Variants in SNAPC3 observed in about 807,000 individuals in gnomAD.
SNAPC3 encodes snRNA-activating protein complex subunit 3.
In SNAPC3, 56 loss-of-function variants were observed where a neutral mutation model predicts 47.7. The observed-to-expected ratio is 1.18, with a 90% CI of 0.95 to 1.47. SNAPC3 has a LOEUF of 1.47. Ranked by LOEUF, SNAPC3 falls within the 40% of genes most tolerant of loss-of-function variation. The probability of loss-of-function intolerance (pLI) is 0.00; values close to 1 mark genes in which losing one functional copy is unlikely to be tolerated. For missense variants in SNAPC3, 665 were observed against 511.3 expected (o/e 1.30, Z -2.90); for synonymous variants, 235 against 189.9 (o/e 1.24, Z -1.95).
intron 5 of SNAPC3, among the ~76,000 whole-genome samples, chr9:15,450,854 G>C (rs1438387846): frequency 6.6e-6 from 1 of 152,214 alleles, no homozygotes; most frequent in Non-Finnish European, 1.5e-5. Context: ...TACAACTACA[G>C]TACCTGGGGC....
intron 3 of SNAPC3, among the ~76,000 whole-genome samples, chr9:15,441,018 TC>T (rs1334781540): frequency 6.6e-6 from 1 of 151,750 alleles, no homozygotes; most frequent in Non-Finnish European, 1.5e-5. Flanking sequence ...TTTCTTAACC[TC>T]CATGTTTTCT....
intron 6 of SNAPC3, among the ~76,000 whole-genome samples, chr9:15,452,303 C>A (rs2034448372): frequency 6.8e-6 from 1 of 146,942 alleles, no homozygotes; most frequent in Non-Finnish European, 1.5e-5. Context: ...CCCAACAGTT[C>A]AAACCTATTG....
downstream of SNAPC3, chr9:15,462,795 A>G (rs2035316669): frequency 6.6e-6 from 1 of 152,168 alleles, no homozygotes; most frequent in Non-Finnish European, 1.5e-5. Context: ...ACATAAACAC[A>G]TTTCTGCCTA....
intron 3 of SNAPC3, among the ~76,000 whole-genome samples, chr9:15,444,039 T>A (rs2033731025): frequency 6.6e-6 from 1 of 152,202 alleles, no homozygotes; most frequent in Non-Finnish European, 1.5e-5. Flanking sequence ...TCCCACTTAT[T>A]TTTAAAACTC....
chr9:15,423,021 G>C lies in SNAPC3; in HGVS notation c.142G>C (p.Gly48Arg). The change falls in exon 1 of 9, where the codon GGG becomes CGG. Residue 48 changes from glycine (G) to arginine (R), a missense_variant. Physicochemically the swap from Gly to Arg is moderately radical, Grantham distance 125. Transcript: ENST00000380821. ...NTRAFHVGAF[G>R]ELWRGRLRGA... The stretch of plus-strand genomic sequence containing the variant: ...GCGCGCTTTCCATGTGGGCGCCTTT[G>C]GGGAGCTGTGGCGGGGCCGTCTGCG... 6.5e-7 allele frequency: 1 copy of C among 1,537,410 alleles called. No individual in the cohort carries two copies. The highest frequency in any genetic ancestry group is 2.5e-5 in the East Asian group (1 of 39,756).
chr9:15,429,544 A>G (rs1399633690), intron 2 of SNAPC3, among the ~76,000 whole-genome samples: 1 of 152,200 alleles, frequency 6.6e-6, no homozygotes, highest in African/African-American at 2.4e-5. Context: ...CAGAGGAAAA[A>G]AAACCTGACA....
intron 5 of SNAPC3, among the ~76,000 whole-genome samples, chr9:15,449,561 ATATTTTTTTTT>A (rs2034230580): frequency 2.3e-5 from 1 of 43,286 alleles, no homozygotes; most frequent in Admixed American, 3.9e-4. Context: ...ATATATATAT[ATATTTTTTTTT>A]TTTTTTTTTT....
intron 6 of SNAPC3, among the ~76,000 whole-genome samples, 192 bp from the exon 7 acceptor site, chr9:15,452,849 C>T (rs2034493684): frequency 6.6e-6 from 1 of 152,198 alleles, no homozygotes; most frequent in South Asian, 2.1e-4. Flanking sequence ...CTGCAGAAAA[C>T]TGATCCCTTA....
rs1470680615 is a variant in SNAPC3, at chr9:15,452,484, G to C, written c.816-557G>C. Reference sequence around the variant, plus strand: ...CAGGCAGGCACCACCACGCCCGGCTGATTTTGTATTTTTAGTAGAGATGGG... The same window carrying C: ...CAGGCAGGCACCACCACGCCCGGCTCATTTTGTATTTTTAGTAGAGATGGG... On this transcript the variant is annotated intron_variant, in intron 6 of 8. Transcript: ENST00000380821. Among the ~76,000 whole-genome samples, 9 of 151,946 alleles carry C rather than the reference G, an allele frequency of 5.9e-5. 1 individual carries two copies. The East Asian group carries it at 1.7e-3, about 29-fold the overall frequency.
chr9:15,422,914 G>T lies in SNAPC3; in HGVS notation c.35G>T (p.Ser12Ile), dbSNP rs761150557. 1 of 1,536,712 alleles carries T rather than the reference G, an allele frequency of 6.5e-7. No individual in the cohort carries two copies. Among genetic ancestry groups the T allele is most frequent in the Non-Finnish European group, 8.8e-7 (1 of 1,142,482 alleles). The part of the protein sequence containing the change: ...AEGSRGGPTC[S>I]GVGGRQDPVS... ...GGAAGCCGAGGTGGCCCTACGTGTA[G>T]CGGGGTGGGTGGCAGGCAGGACCCA... Residue 12 changes from serine (S) to isoleucine (I), a missense_variant, in exon 1 of 9, where the codon AGC becomes ATC. Transcript: ENST00000380821.
downstream of SNAPC3, chr9:15,464,840 G>T (rs992577812): frequency 4.8e-6 from 1 of 208,420 alleles, no homozygotes; most frequent in Admixed American, 5.9e-5. Context: ...TGAATGCCCA[G>T]CCACAAAACT....
At chr9:15,445,947 C>T (rs1047807251) in intron 4 of SNAPC3, among the ~76,000 whole-genome samples, 4 of 152,100 alleles carry the variant, frequency 2.6e-5, no homozygotes, top group African/African-American at 9.7e-5. Flanking sequence ...CCGCCACCCC[C>T]TTCTCCCCAG....
chr9:15,425,879 G>A (rs1300733889), intron 2 of SNAPC3, among the ~76,000 whole-genome samples: 1 of 152,066 alleles, frequency 6.6e-6, no homozygotes, highest in Admixed American at 6.5e-5. Context: ...TTTTGTTTTT[G>A]AGATGGAATT....
At chr9:15,450,405 T>A (rs1382333940) in intron 5 of SNAPC3, among the ~76,000 whole-genome samples, 1 of 152,230 alleles carries the variant, frequency 6.6e-6, no homozygotes, top group East Asian at 1.9e-4. Flanking sequence ...ATTATTTTAG[T>A]ACCTGAAACA....
chr9:15,439,168 C>T (rs974212233), intron 3 of SNAPC3, among the ~76,000 whole-genome samples: 1 of 152,114 alleles, frequency 6.6e-6, no homozygotes, highest in African/African-American at 2.4e-5. Flanking sequence ...CGCCACTATG[C>T]TGAGTTAAGT....
intron 5 of SNAPC3, 141 bp downstream of exon 5, chr9:15,447,385 C>G (rs1295569542): frequency 8.3e-6 from 6 of 725,978 alleles, no homozygotes; most frequent in Non-Finnish European, 1.4e-5. Context: ...TCATTCCTTC[C>G]CTTTATCACC....
At chr9:15,456,283 T>G (rs1046006178) in intron 7 of SNAPC3, among the ~76,000 whole-genome samples, 2 of 152,200 alleles carry the variant, frequency 1.3e-5, no homozygotes. Context: ...GTGCTGGGAT[T>G]ACAGGCAAGA....
In SNAPC3 at chr9:15,438,823, G is replaced by A. The variant is rs180778628; in HGVS notation, c.477+5187G>A. Among the ~76,000 whole-genome samples the A allele has an allele frequency of 3.9e-5, 6 of 152,186 alleles. No individual in the cohort carries two copies. In the East Asian group the frequency reaches 9.6e-4, roughly 24 times the overall value. On this transcript the variant is annotated intron_variant, in intron 3 of 8. Coordinates refer to ENST00000380821, the MANE Select transcript of SNAPC3 (RefSeq NM_001039697.2). ...ACTTGAGAAGAACCTGTATTCAGCT[G>A]TTGTTTGGAGAGTTCTTTGTATATC...
chr9:15,458,521 G>C (rs2034971087), intron 8 of SNAPC3, among the ~76,000 whole-genome samples: 1 of 152,128 alleles, frequency 6.6e-6, no homozygotes, highest in Non-Finnish European at 1.5e-5. Context: ...TGTCCACATA[G>C]TTTACATAAT....
Sources: gnomAD v4.1 joint callset for allele counts (sites outside exome capture counted in the v4.1 genomes callset) on GRCh38, gnomAD v4.1.1 for gene constraint, MANE v1.5 for transcripts, NCBI Gene and HGNC (gene_info 2026-07-23, HGNC 2026-07-21) for gene names.